The following SLC41A2 variants were observed in gnomAD, a reference collection of about 807,000 sequenced individuals.
SLC41A2 encodes the protein solute carrier family 41 member 2.
In SLC41A2, 32 loss-of-function variants were observed where a neutral mutation model predicts 58.3. That is an observed-to-expected ratio of 0.55 (90% CI 0.41 to 0.74). The LOEUF (loss-of-function observed/expected upper bound fraction) is 0.74, where lower values mean the gene tolerates loss of function less well. Ranked by LOEUF, SLC41A2 falls within the 30% of genes least tolerant of loss-of-function variation. SLC41A2 has a pLI of 0.00. For missense variants in SLC41A2, 514 were observed against 680.6 expected, an observed-to-expected ratio of 0.76 and a Z score of 2.72; for synonymous variants, 190 against 235.0, an observed-to-expected ratio of 0.81 and a Z score of 1.75.
At chr12:104,861,473 C>A (rs757806438) in intron 7 of SLC41A2, 103 bp from the exon 8 acceptor site, 19 of 599,126 alleles carry the variant, frequency 3.2e-5, no homozygotes, top group Non-Finnish European at 4.9e-5. Flanking sequence ...AAAATATTCA[C>A]ACATTTTAAA....
intron 8 of SLC41A2, among the ~76,000 whole-genome samples, chr12:104,854,878 C>T (rs1378463155): frequency 6.6e-6 from 1 of 152,164 alleles, no homozygotes; most frequent in Non-Finnish European, 1.5e-5. Context: ...TCCCCTAGCC[C>T]GTATCTGTGT....
At chr12:104,806,588 G>C (rs943890828) in intron 10 of SLC41A2, among the ~76,000 whole-genome samples, 8 of 151,990 alleles carry the variant, frequency 5.3e-5, no homozygotes, top group African/African-American at 1.7e-4. Flanking sequence ...CCAGTAATGG[G>C]ATGGCTGGGT....
At chr12:104,925,677 T>A (rs2046808870) in intron 2 of SLC41A2, among the ~76,000 whole-genome samples, 1 of 152,230 alleles carries the variant, frequency 6.6e-6, no homozygotes. Flanking sequence ...AGGAACTTTT[T>A]CCAATTATAT....
At chr12:104,878,620 T>C (rs2044187322) in intron 6 of SLC41A2, among the ~76,000 whole-genome samples, 1 of 152,164 alleles carries the variant, frequency 6.6e-6, no homozygotes, top group African/African-American at 2.4e-5. Context: ...GCTTCATCAA[T>C]GTCCCTACAA....
Position 104,866,592 on chromosome 12 carries a change from A to C in SLC41A2, c.1028-13T>G, listed in dbSNP as rs931436663. ...TAGTAATAGGTCTCTAAAATTAAAAAAAAAAAAAAAAAGAGAGACAACATT... is the reference window on the plus strand; with the variant it reads ...TAGTAATAGGTCTCTAAAATTAAAACAAAAAAAAAAAAGAGAGACAACATT... On this transcript the variant is annotated splice_polypyrimidine_tract_variant and intron_variant, in intron 6 of 10. Coordinates refer to ENST00000258538, the MANE Select transcript of SLC41A2 (RefSeq NM_001352171.3). 2 of 1,513,336 alleles carry C rather than the reference A, an allele frequency of 1.3e-6. No individual in the cohort carries two copies. Among genetic ancestry groups the C allele is most frequent in the Non-Finnish European group, 1.8e-6 (2 of 1,128,298 alleles). 93.7% of individuals were successfully genotyped at this position (1,513,336 alleles called of 1,614,324 possible).
chr12:104,957,421 G>T (rs1268395838), intron 1 of SLC41A2, among the ~76,000 whole-genome samples: 6 of 152,086 alleles, frequency 3.9e-5, no homozygotes, highest in Non-Finnish European at 1.5e-5. Context: ...GTTTCTTTTG[G>T]GGATGATGAT....
chr12:104,861,303 G>T lies in SLC41A2; in HGVS notation c.1243C>A (p.Pro415Thr). 9 of 1,610,722 alleles carry T rather than the reference G, an allele frequency of 5.6e-6. No homozygotes were observed. The highest frequency in any genetic ancestry group is 7.6e-6 in the Non-Finnish European group (9 of 1,177,288). Reference sequence around the variant, plus strand: ...ATCTAATTCTTACCATTAATAACTGGCGTGTAAACAACAATCCCAACCAAG... The same window carrying T: ...ATCTAATTCTTACCATTAATAACTGTCGTGTAAACAACAATCCCAACCAAG... ...PNLVGIVVYT[P>T]VINGIGGNLV... is the part of the protein sequence containing the mutation. Residue 415 changes from proline (P) to threonine (T), a missense_variant, in exon 8 of 11, where the codon CCA becomes ACA. Pro to Thr is a conservative substitution (Grantham distance 38, BLOSUM62 -1). Transcript: ENST00000258538.
chr12:104,817,034 G>A (rs1210561731), intron 10 of SLC41A2, among the ~76,000 whole-genome samples: 1 of 152,226 alleles, frequency 6.6e-6, no homozygotes, highest in Non-Finnish European at 1.5e-5. Context: ...ATCAGAGAGT[G>A]TATGTACACA....
intron 3 of SLC41A2, among the ~76,000 whole-genome samples, chr12:104,896,576 G>A (rs999969800): frequency 2.0e-5 from 3 of 152,176 alleles, no homozygotes; most frequent in African/African-American, 4.8e-5. Flanking sequence ...CTCTTAGAAA[G>A]ATGTCTATAT....
At chr12:104,843,564 T>C (rs537404435) in intron 10 of SLC41A2, among the ~76,000 whole-genome samples, 20 of 152,210 alleles carry the variant, frequency 1.3e-4, no homozygotes, top group African/African-American at 4.6e-4. Context: ...CTTTCTCACC[T>C]CTATGTTTTA....
At position 104,844,629 on chromosome 12, in the gene SLC41A2, TA is replaced by T; in HGVS notation, c.1388-10del. 1 of 1,462,314 alleles carries T rather than the reference TA, an allele frequency of 6.8e-7. No homozygotes were observed. Among genetic ancestry groups the T allele is most frequent in the Non-Finnish European group, 9.1e-7 (1 of 1,100,802 alleles). The allele number at this position is 1,462,314 out of a possible 1,614,324, so 90.6% of individuals were successfully genotyped here. A position where few individuals can be genotyped will look rare whatever the true frequency, so the allele number is the denominator to read the frequency against. The stretch of plus-strand genomic sequence containing the variant: ...AGACTTATTATTTACTCCTGTAATA[TA>T]AAATGTAAAAGTAATTAAAACAAAA... On this transcript the variant is annotated splice_polypyrimidine_tract_variant and intron_variant, in intron 9 of 10. Transcript: ENST00000258538.
chr12:104,891,948 C>T (rs2044996860), intron 4 of SLC41A2, among the ~76,000 whole-genome samples: 1 of 152,112 alleles, frequency 6.6e-6, no homozygotes, highest in East Asian at 1.9e-4. Flanking sequence ...ACAATAGCTA[C>T]AAGTAAAATA....
chr12:104,858,476 G>A (rs1001878869), intron 8 of SLC41A2, among the ~76,000 whole-genome samples: 3 of 152,068 alleles, frequency 2.0e-5, no homozygotes, highest in Non-Finnish European at 4.4e-5. Flanking sequence ...ATAGTGGTAG[G>A]TACTCACTAA....
rs1217236402 is a variant in SLC41A2, at chr12:104,843,605, T to A, written c.1536+867A>T. ...GTAATCTCCAAAAAGCTTTAGATTA[T>A]GCAGCTCTCTCAGTATAAAATATTT... On this transcript the variant is annotated intron_variant, in intron 10 of 10. Coordinates refer to ENST00000258538, the MANE Select transcript of SLC41A2 (RefSeq NM_001352171.3). Among the ~76,000 whole-genome samples, 3 of 152,128 alleles carry A rather than the reference T, an allele frequency of 2.0e-5. No individual in the cohort carries two copies. The East Asian group carries it at 5.8e-4, about 29-fold the overall frequency.
intron 5 of SLC41A2, among the ~76,000 whole-genome samples, chr12:104,887,791 T>C (rs1197331996): frequency 6.6e-6 from 1 of 151,990 alleles, no homozygotes; most frequent in Non-Finnish European, 1.5e-5. Flanking sequence ...GGTAACAAGT[T>C]GATGAGATTG....
chr12:104,902,807 G>T (rs1328495711), intron 3 of SLC41A2, among the ~76,000 whole-genome samples: 1 of 152,114 alleles, frequency 6.6e-6, no homozygotes, highest in Non-Finnish European at 1.5e-5. Context: ...TTGCCATCAA[G>T]AAGTCATTAA....
chr12:104,921,783 A>G (rs2046608874), intron 2 of SLC41A2, among the ~76,000 whole-genome samples: 1 of 152,196 alleles, frequency 6.6e-6, no homozygotes, highest in South Asian at 2.1e-4. Context: ...TAAAACACAA[A>G]TCTATCAAAA....
At chr12:104,825,380 G>A (rs552209882) in intron 10 of SLC41A2, among the ~76,000 whole-genome samples, 12 of 152,286 alleles carry the variant, frequency 7.9e-5, no homozygotes, top group South Asian at 4.1e-4. Context: ...GGCGCTTCTC[G>A]CCTGCTGTGT....
chr12:104,878,829 G>A (rs1323945172), intron 6 of SLC41A2, among the ~76,000 whole-genome samples: 1 of 152,192 alleles, frequency 6.6e-6, no homozygotes, highest in Non-Finnish European at 1.5e-5. Flanking sequence ...TATATACCCA[G>A]TAATGGGATC....
Sources: allele counts gnomAD v4.1 joint callset (sites outside exome capture counted in the v4.1 genomes callset), GRCh38; gene constraint gnomAD v4.1.1; transcripts MANE v1.5; gene names NCBI Gene and HGNC (gene_info 2026-07-23, HGNC 2026-07-21).